The following RNF144B variants were observed in gnomAD, a reference collection of about 807,000 sequenced individuals.
RNF144B encodes the protein ring finger protein 144B.
Under a neutral mutation model 40.2 loss-of-function variants are expected in RNF144B, and 25 were observed. The observed-to-expected ratio is 0.62, with a 90% CI of 0.45 to 0.87. The LOEUF (loss-of-function observed/expected upper bound fraction) is 0.87, where lower values mean the gene tolerates loss of function less well. Ranked by LOEUF, RNF144B falls within the 40% of genes least tolerant of loss-of-function variation. The probability of loss-of-function intolerance (pLI) is 0.00; values close to 1 mark genes in which losing one functional copy is unlikely to be tolerated. For missense variants in RNF144B, 365 were observed against 373.7 expected (o/e 0.98, Z 0.19); for synonymous variants, 145 against 136.3 (o/e 1.06, Z -0.44).
At chr6:18,429,689 G>A (rs4455656) in intron 3 of RNF144B, among the ~76,000 whole-genome samples, 18,282 of 152,228 alleles carry the variant, frequency 0.12, 1,319 homozygotes, top group Admixed American at 0.19. Flanking sequence ...TTGTTGATCT[G>A]TGTCACTTCA....
At chr6:18,402,700 C>G (rs1794817054) in intron 2 of RNF144B, among the ~76,000 whole-genome samples, 1 of 152,150 alleles carries the variant, frequency 6.6e-6, no homozygotes, top group African/African-American at 2.4e-5. Flanking sequence ...CTCTGAGGAA[C>G]ACTGCTTTAA....
At chr6:18,433,188 G>A (rs975720038) in intron 3 of RNF144B, among the ~76,000 whole-genome samples, 2 of 152,320 alleles carry the variant, frequency 1.3e-5, no homozygotes, top group Admixed American at 6.5e-5. Flanking sequence ...GGCAAAGGAA[G>A]GGTGAGAATG....
Position 18,443,680 on chromosome 6 carries a change from A to G in RNF144B, c.331+3936A>G, listed in dbSNP as rs1176970144. Among the ~76,000 whole-genome samples, 3 of 152,300 alleles carry G rather than the reference A, an allele frequency of 2.0e-5. No individual in the cohort carries two copies. Among genetic ancestry groups the G allele is most frequent in the East Asian group, 3.9e-4 (2 of 5,188 alleles). ...TAAATTTAAGTTAATGAAGTGCTAC[A>G]TAATGGAATTTACATGATTGGGATA... On this transcript the variant is annotated intron_variant, in intron 4 of 7. Coordinates refer to ENST00000259939, the MANE Select transcript of RNF144B (RefSeq NM_182757.4). This position sits in a 1 kb window ranked among gnomAD's most constrained non-coding sequence, Gnocchi z 4.7.
Position 18,439,728 on chromosome 6 carries a change from GT to G in RNF144B, c.317del (p.Leu106Ter). 1 of 1,610,510 alleles carries G rather than the reference GT, an allele frequency of 6.2e-7. No homozygotes were observed. The highest frequency in any genetic ancestry group is 1.1e-5 in the South Asian group (1 of 90,962). On this transcript the variant is annotated frameshift_variant, in exon 4 of 8. Coordinates refer to ENST00000259939, the MANE Select transcript of RNF144B (RefSeq NM_182757.4). LOFTEE classifies it high-confidence loss of function. The stretch of plus-strand genomic sequence containing the variant: ...TGGACCAGTTTCAACTTTATCAGAG[GT>G]TAAAATTTGAAAGAGGTATGAACTC... ...PVDQFQLYQR[L>X]KFEREVHLDP...
chr6:18,408,408 GA>G lies in RNF144B; in HGVS notation c.165+8710del, dbSNP rs372760683. 7.0e-4 allele frequency among the ~76,000 whole-genome samples: 107 copies of G among 152,296 alleles called. 1 individual carries two copies. The highest frequency in any genetic ancestry group is 2.4e-3 in the African/African-American group (98 of 41,562). ...TGGGAGGTTTCAGTTTGGTAAGGAA[GA>G]TATATCATTCATCTTACTAGTTACT... On this transcript the variant is annotated intron_variant, in intron 2 of 7. Coordinates refer to ENST00000259939, the MANE Select transcript of RNF144B (RefSeq NM_182757.4).
chr6:18,432,705 G>T (rs1758721039), intron 3 of RNF144B, among the ~76,000 whole-genome samples: 1 of 152,204 alleles, frequency 6.6e-6, no homozygotes, highest in Non-Finnish European at 1.5e-5. Flanking sequence ...AGTGGTGAGT[G>T]CATATTCCTA....
rs2113535654 is a variant in RNF144B at position 18,457,827 on chromosome 6, G to T, written c.536+468G>T. 6.6e-6 allele frequency among the ~76,000 whole-genome samples: 1 copy of T among 152,318 alleles called. No homozygotes were observed. The highest frequency in any genetic ancestry group is 2.1e-4 in the South Asian group (1 of 4,830). The stretch of plus-strand genomic sequence containing the variant: ...GAAACAACGGTCCTAAATTCTTTCA[G>T]CACGTAGAAAGGAGGGTTCTCTCAT... On this transcript the variant is annotated intron_variant, in intron 5 of 7. Coordinates refer to ENST00000259939, the MANE Select transcript of RNF144B (RefSeq NM_182757.4). This position sits in a 1 kb window ranked among gnomAD's most constrained non-coding sequence, Gnocchi z 5.1.
At position 18,457,565 on chromosome 6, in the gene RNF144B, TTG is replaced by T. The variant is rs1168124251; in HGVS notation, c.536+207_536+208del. Among the ~76,000 whole-genome samples, 1 of 152,204 alleles carries T rather than the reference TTG, an allele frequency of 6.6e-6. No individual in the cohort carries two copies. Among genetic ancestry groups the T allele is most frequent in the Non-Finnish European group, 1.5e-5 (1 of 68,038 alleles). ...TTGCCCCAGAGGAATCTTCCAGATA[TTG>T]CTGGAATTAAAGTTTGTATGAGTTT... On this transcript the variant is annotated intron_variant, in intron 5 of 7. Transcript: ENST00000259939. This position sits in a 1 kb window ranked among gnomAD's most constrained non-coding sequence, Gnocchi z 5.1.
At chr6:18,463,448 G>T in intron 7 of RNF144B, 68 bp downstream of exon 7, 3 of 918,180 alleles carry the variant, frequency 3.3e-6, no homozygotes, top group Non-Finnish European at 5.4e-6. Context: ...CCACCTCTTC[G>T]CCTTTCCTCA....
intron 4 of RNF144B, among the ~76,000 whole-genome samples, chr6:18,451,364 CT>C (rs771067813): frequency 2.6e-5 from 4 of 152,098 alleles, no homozygotes; most frequent in Non-Finnish European, 5.9e-5. Context: ...GAGGTCATAT[CT>C]GGAGAAGTTA....
chr6:18,408,279 C>T (rs955482176), intron 2 of RNF144B, among the ~76,000 whole-genome samples: 4 of 152,052 alleles, frequency 2.6e-5, no homozygotes, highest in African/African-American at 9.7e-5. Flanking sequence ...GCCACTGTAC[C>T]CAGCTTGAGA....
In RNF144B at chr6:18,464,236, G is replaced by A. The variant is rs1759527343; in HGVS notation, c.772-691G>A. Among the ~76,000 whole-genome samples the A allele has an allele frequency of 6.6e-6, 1 of 152,206 alleles. No homozygotes were observed. Among genetic ancestry groups the A allele is most frequent in the Non-Finnish European group, 1.5e-5 (1 of 68,034 alleles). ...GGCGGTATTCCTTTGGAGGGAGTCA[G>A]TGCTAATATCCTAGTAATCATTAAC... On this transcript the variant is annotated intron_variant, in intron 7 of 7. Transcript: ENST00000259939. This position sits in a 1 kb window ranked among gnomAD's most constrained non-coding sequence, Gnocchi z 6.1.
intron 1 of RNF144B, chr6:18,396,271 C>A: frequency 1.9e-6 from 1 of 532,196 alleles, no homozygotes; most frequent in Non-Finnish European, 2.4e-6. Context: ...TATAGGTATT[C>A]CATTATGGAT....
chr6:18,432,480 G>A (rs542582805), intron 3 of RNF144B, among the ~76,000 whole-genome samples: 14 of 152,318 alleles, frequency 9.2e-5, no homozygotes, highest in Admixed American at 6.5e-4. Context: ...CAATGTACTT[G>A]ATCTTGTAAT....
At chr6:18,440,801 T>G (rs1424562733) in intron 4 of RNF144B, among the ~76,000 whole-genome samples, 8 of 150,320 alleles carry the variant, frequency 5.3e-5, no homozygotes, top group African/African-American at 1.9e-4. Flanking sequence ...TGGTGTTTTT[T>G]TTTTTTTTAA....
intron 1 of RNF144B, among the ~76,000 whole-genome samples, chr6:18,389,708 G>T (rs1414234928): frequency 6.6e-6 from 1 of 152,120 alleles, no homozygotes; most frequent in African/African-American, 2.4e-5. Flanking sequence ...AGCAGTTTTG[G>T]GACTAAGCCT....
At chr6:18,436,758 C>A (rs1161020001) in intron 3 of RNF144B, among the ~76,000 whole-genome samples, 1 of 151,946 alleles carries the variant, frequency 6.6e-6, no homozygotes, top group African/African-American at 2.4e-5. Flanking sequence ...TTACCTGCAG[C>A]CTGATTTAGT....
rs1759381645 is a variant in RNF144B at position 18,458,506 on chromosome 6, G to GAAT, written c.537-1101_537-1100insAAT. Reference sequence around the variant, plus strand: ...AAGCTAATACACATGGCAGGCATGTGCCCTCTTAGCCGGATTCAAACCACT... The same window carrying GAAT: ...AAGCTAATACACATGGCAGGCATGTGAATCCCTCTTAGCCGGATTCAAACCACT... On this transcript the variant is annotated intron_variant, in intron 5 of 7. Transcript: ENST00000259939. This position sits in a 1 kb window ranked among gnomAD's most constrained non-coding sequence, Gnocchi z 4.8. Among the ~76,000 whole-genome samples the GAAT allele has an allele frequency of 6.6e-6, 1 of 152,172 alleles. No individual in the cohort carries two copies. The highest frequency in any genetic ancestry group is 6.5e-5 in the Admixed American group (1 of 15,280).
Position 18,400,042 on chromosome 6 carries a change from C to A in RNF144B, c.165+343C>A, listed in dbSNP as rs6459615. 6.6e-6 allele frequency among the ~76,000 whole-genome samples: 1 copy of A among 151,796 alleles called. No homozygotes were observed. Among genetic ancestry groups the A allele is most frequent in the Non-Finnish European group, 1.5e-5 (1 of 67,950 alleles). ...ATCCCAGCACTTTGGGAGGCCGAGG[C>A]GGGCGGATCACAAGGTCAGAAGATC... On this transcript the variant is annotated intron_variant, in intron 2 of 7. Coordinates refer to ENST00000259939, the MANE Select transcript of RNF144B (RefSeq NM_182757.4). The surrounding 1 kb of genome is among the most constrained non-coding windows in gnomAD (Gnocchi z 5.6).
Sources: allele counts gnomAD v4.1 joint callset (sites outside exome capture counted in the v4.1 genomes callset), GRCh38; gene constraint gnomAD v4.1.1; non-coding constraint Gnocchi (gnomAD v3.1); transcripts MANE v1.5; gene names NCBI Gene and HGNC (gene_info 2026-07-23, HGNC 2026-07-21).